COL8A1: variants seen among roughly 807,000 people sequenced by gnomAD.
COL8A1 encodes the protein collagen type VIII alpha 1 chain.
A neutral mutation model predicts 42.7 loss-of-function variants in COL8A1; 21 were observed. The ratio of observed to expected loss-of-function variants is 0.49; its 90% CI spans 0.35 to 0.71. COL8A1 has a LOEUF of 0.71. Ranked by LOEUF, COL8A1 falls within the 30% of genes least tolerant of loss-of-function variation. The pLI is 0.01. For synonymous variants in COL8A1, 367 were observed against 369.1 expected (o/e 0.99, Z 0.06); for missense variants, 788 against 962.4 (o/e 0.82, Z 2.40).
intron 2 of COL8A1, among the ~76,000 whole-genome samples, chr3:99,753,435 C>G (rs1475664340): frequency 5.9e-5 from 9 of 152,186 alleles, no homozygotes; most frequent in Admixed American, 5.9e-4. Flanking sequence ...GCTTTGCTGA[C>G]TGGAGTTTTG....
intron 1 of COL8A1, among the ~76,000 whole-genome samples, chr3:99,726,200 G>A (rs1940320148): frequency 6.6e-6 from 1 of 152,162 alleles, no homozygotes; most frequent in Non-Finnish European, 1.5e-5. Flanking sequence ...TTTTTTGGCT[G>A]CATAAATGTC....
At chr3:99,769,133 T>A (rs1319635596) in intron 2 of COL8A1, among the ~76,000 whole-genome samples, 1 of 152,216 alleles carries the variant, frequency 6.6e-6, no homozygotes, top group Non-Finnish European at 1.5e-5. Flanking sequence ...AACTCAATAT[T>A]CTGAATCTCT....
intron 2 of COL8A1, among the ~76,000 whole-genome samples, chr3:99,750,355 C>T (rs1393223963): frequency 3.9e-5 from 6 of 152,004 alleles, no homozygotes; most frequent in African/African-American, 1.4e-4. Flanking sequence ...CTACACCTGG[C>T]CCCAGTTTCC....
intron 2 of COL8A1, among the ~76,000 whole-genome samples, chr3:99,781,864 G>A (rs4928222): frequency 0.096 from 14,604 of 152,074 alleles, 834 homozygotes; most frequent in African/African-American, 0.16. Context: ...AGCTGCCTCT[G>A]GATTTTAGAT....
At chr3:99,669,123 T>TGATA (rs1205797913) in intron 1 of COL8A1, among the ~76,000 whole-genome samples, 1 of 96,580 alleles carries the variant, frequency 1.0e-5, no homozygotes, top group Non-Finnish European at 2.0e-5. Context: ...CTTAAAAAAA[T>TGATA]TATATATATA....
intron 1 of COL8A1, among the ~76,000 whole-genome samples, chr3:99,683,575 A>C (rs1938956538): frequency 6.6e-6 from 1 of 152,060 alleles, no homozygotes; most frequent in Non-Finnish European, 1.5e-5. Flanking sequence ...TCTTTTTGGC[A>C]GCTCTTGAGG....
At chr3:99,741,820 G>A (rs1371251324) in intron 1 of COL8A1, among the ~76,000 whole-genome samples, 1 of 152,200 alleles carries the variant, frequency 6.6e-6, no homozygotes, top group African/African-American at 2.4e-5. Flanking sequence ...CTGCTCCACT[G>A]TGCTCAATTG....
chr3:99,745,852 A>G (rs962194809), intron 2 of COL8A1, among the ~76,000 whole-genome samples: 4 of 151,972 alleles, frequency 2.6e-5, no homozygotes, highest in Non-Finnish European at 4.4e-5. Flanking sequence ...AAACCACAAC[A>G]TACCGTCCAT....
rs1940362119 is a variant in COL8A1 at position 99,727,236 on chromosome 3, A to C, written c.-128-17661A>C. On this transcript the variant is annotated intron_variant, in intron 1 of 3. Transcript: ENST00000652472. ...GTTTGTCTGTTATTGGTGTATAAGA[A>C]TGCTTGTGATTTTTGCACATTGATT... Among the ~76,000 whole-genome samples the C allele has an allele frequency of 2.0e-5, 3 of 152,080 alleles. No homozygotes were observed. In the South Asian group the frequency reaches 6.2e-4, roughly 32 times the overall value.
intron 1 of COL8A1, among the ~76,000 whole-genome samples, chr3:99,710,964 C>T (rs1358999538): frequency 6.6e-6 from 1 of 152,074 alleles, no homozygotes; most frequent in East Asian, 1.9e-4. Context: ...CACTCCAGGG[C>T]CTTACCCAAA....
chr3:99,688,486 C>A, intron 1 of COL8A1, among the ~76,000 whole-genome samples: 1 of 152,076 alleles, frequency 6.6e-6, no homozygotes, highest in East Asian at 1.9e-4. Flanking sequence ...CTATAAGAAC[C>A]CTGGTGATCA....
At chr3:99,654,812 A>T (rs1334748288) in intron 1 of COL8A1, among the ~76,000 whole-genome samples, 1 of 152,168 alleles carries the variant, frequency 6.6e-6, no homozygotes, top group Non-Finnish European at 1.5e-5. Context: ...CAATGTGAGA[A>T]TAAAGGAAAT....
intron 1 of COL8A1, among the ~76,000 whole-genome samples, chr3:99,694,100 C>T (rs1322551009): frequency 6.6e-6 from 1 of 152,156 alleles, no homozygotes; most frequent in Non-Finnish European, 1.5e-5. Flanking sequence ...TGTAAGTACG[C>T]TCTATGATGT....
intron 2 of COL8A1, among the ~76,000 whole-genome samples, chr3:99,764,166 A>G (rs1281509545): frequency 6.6e-6 from 1 of 152,208 alleles, no homozygotes; most frequent in Non-Finnish European, 1.5e-5. Context: ...AACTTTTTAT[A>G]TAGAAGCTTT....
intron 1 of COL8A1, among the ~76,000 whole-genome samples, chr3:99,705,719 A>G (rs1156306445): frequency 1.3e-5 from 2 of 152,196 alleles, no homozygotes; most frequent in African/African-American, 4.8e-5. Flanking sequence ...AAGTTCACTG[A>G]TTTATAAGAA....
chr3:99,661,765 T>A (rs191334184), intron 1 of COL8A1, among the ~76,000 whole-genome samples: 31 of 152,284 alleles, frequency 2.0e-4, no homozygotes, highest in African/African-American at 7.5e-4. Context: ...GTGGCATATA[T>A]ATTGTATTAA....
intron 2 of COL8A1, among the ~76,000 whole-genome samples, chr3:99,787,312 G>A (rs544475375): frequency 1.1e-3 from 166 of 152,266 alleles, no homozygotes; most frequent in African/African-American, 3.8e-3. Flanking sequence ...GCTGTTCAAA[G>A]TATCTAGGAT....
chr3:99,704,414 GT>G lies in COL8A1; in HGVS notation c.-128-40473del, dbSNP rs1275879498. 4.4e-3 allele frequency among the ~76,000 whole-genome samples: 644 copies of G among 147,350 alleles called. 3 individuals are homozygous for G. Among genetic ancestry groups the G allele is most frequent in the Middle Eastern group, 0.028 (8 of 290 alleles). On this transcript the variant is annotated intron_variant, in intron 1 of 3. Coordinates refer to ENST00000652472, the MANE Select transcript of COL8A1 (RefSeq NM_020351.4). ...ACAAGGCTTATATCTTTTTTTTTCT[GT>G]TTTTTTTTTATTAAACTTTAAGTTT...
chr3:99,724,077 T>G (rs1453355819), intron 1 of COL8A1, among the ~76,000 whole-genome samples: 2 of 152,138 alleles, frequency 1.3e-5, no homozygotes, highest in Non-Finnish European at 2.9e-5. Flanking sequence ...CACGACACTG[T>G]GTGTACATGC....
Sources: gnomAD v4.1 joint callset for allele counts (sites outside exome capture counted in the v4.1 genomes callset) on GRCh38, gnomAD v4.1.1 for gene constraint, MANE v1.5 for transcripts, NCBI Gene and HGNC (gene_info 2026-07-23, HGNC 2026-07-21) for gene names.